The following CTNNA3 variants were observed in gnomAD, a reference collection of about 807,000 sequenced individuals.
CTNNA3 encodes the protein catenin alpha-3.
CTNNA3 carries 76 observed loss-of-function variants against 95.7 expected under a neutral mutation model. The observed-to-expected ratio is 0.79, with a 90% CI of 0.66 to 0.96. The LOEUF is 0.96. CTNNA3 is among the 40% of genes least tolerant of loss of function. The probability of loss-of-function intolerance (pLI) is 0.00; values close to 1 mark genes in which losing one functional copy is unlikely to be tolerated. For missense variants in CTNNA3, 1,191 were observed against 1,089.8 expected (o/e 1.09, Z -1.31); for synonymous variants, 431 against 374.4 (o/e 1.15, Z -1.74).
intron 13 of CTNNA3, among the ~76,000 whole-genome samples, chr10:66,206,021 T>C: frequency 6.6e-6 from 1 of 151,948 alleles, no homozygotes; most frequent in East Asian, 1.9e-4. Flanking sequence ...CATTACCCTC[T>C]AATTTGACCA....
At chr10:67,033,572 A>C (rs1276190500) in intron 7 of CTNNA3, among the ~76,000 whole-genome samples, 2 of 152,338 alleles carry the variant, frequency 1.3e-5, no homozygotes, top group Admixed American at 6.5e-5. Context: ...CATAGTGCCT[A>C]ATATGTGCCG....
At chr10:67,076,551 T>C (rs1045940030) in intron 7 of CTNNA3, among the ~76,000 whole-genome samples, 1 of 152,230 alleles carries the variant, frequency 6.6e-6, no homozygotes, top group East Asian at 1.9e-4. Context: ...TTTGAGCACA[T>C]AGAGAAGCCT....
intron 7 of CTNNA3, among the ~76,000 whole-genome samples, chr10:67,113,289 T>C (rs900329367): frequency 8.5e-5 from 13 of 152,162 alleles, no homozygotes; most frequent in East Asian, 7.7e-4. Flanking sequence ...AGGATGCTAA[T>C]TTTTTTCTTC....
intron 5 of CTNNA3, among the ~76,000 whole-genome samples, chr10:67,468,137 A>G (rs549318230): frequency 6.6e-6 from 1 of 151,926 alleles, no homozygotes; most frequent in Admixed American, 6.6e-5. Context: ...CCAAGTATTC[A>G]GCCTAGTACC....
intron 13 of CTNNA3, among the ~76,000 whole-genome samples, chr10:66,180,304 T>C (rs1433076174): frequency 2.6e-5 from 4 of 152,068 alleles, no homozygotes; most frequent in Non-Finnish European, 5.9e-5. Context: ...ATGGTGACAG[T>C]AGGTTTTAGT....
At chr10:67,095,986 G>A (rs548693493) in intron 7 of CTNNA3, among the ~76,000 whole-genome samples, 39 of 151,552 alleles carry the variant, frequency 2.6e-4, no homozygotes, top group Admixed American at 7.9e-4. Context: ...TCTTTCAGTC[G>A]CCTTGACCAT....
intron 8 of CTNNA3, among the ~76,000 whole-genome samples, chr10:66,770,992 G>T (rs1273933657): frequency 1.3e-5 from 2 of 152,098 alleles, no homozygotes; most frequent in Non-Finnish European, 2.9e-5. Context: ...TAAGTTTAGT[G>T]AAACTTGTCT....
intron 1 of CTNNA3, among the ~76,000 whole-genome samples, chr10:67,655,394 G>C (rs899745600): frequency 6.6e-6 from 1 of 152,174 alleles, no homozygotes; most frequent in African/African-American, 2.4e-5. Flanking sequence ...CCTAATACCT[G>C]TCTCCCAAAA....
chr10:67,326,126 A>G (rs1250954161), intron 5 of CTNNA3, among the ~76,000 whole-genome samples: 1 of 152,088 alleles, frequency 6.6e-6, no homozygotes, highest in African/African-American at 2.4e-5. Flanking sequence ...GTGTCTCTGC[A>G]TGTGAGATGG....
intron 5 of CTNNA3, among the ~76,000 whole-genome samples, chr10:67,451,484 GAAACACTAA>G (rs748941513): frequency 1.6e-4 from 24 of 152,010 alleles, no homozygotes; most frequent in Non-Finnish European, 3.2e-4. Flanking sequence ...GCAGATAACA[GAAACACTAA>G]AATCCCAAAA....
At chr10:66,233,789 TCTAAGAA>T (rs1322341241) in intron 13 of CTNNA3, among the ~76,000 whole-genome samples, 1 of 152,154 alleles carries the variant, frequency 6.6e-6, no homozygotes, top group Non-Finnish European at 1.5e-5. Flanking sequence ...TTGATGATGA[TCTAAGAA>T]CTCTTCTCCC....
chr10:67,687,166 C>A (rs1253007746), intron 1 of CTNNA3, among the ~76,000 whole-genome samples: 1 of 152,180 alleles, frequency 6.6e-6, no homozygotes, highest in Admixed American at 6.5e-5. Flanking sequence ...ATGCCAGTGT[C>A]CAGGAGGAAA....
intron 7 of CTNNA3, among the ~76,000 whole-genome samples, chr10:67,147,838 G>A (rs1860914774): frequency 6.6e-6 from 1 of 152,082 alleles, no homozygotes; most frequent in African/African-American, 2.4e-5. Context: ...TGCTAATATT[G>A]AAGCTGTATA....
intron 15 of CTNNA3, among the ~76,000 whole-genome samples, chr10:65,994,608 A>G (rs2078613841): frequency 6.6e-6 from 1 of 152,134 alleles, no homozygotes; most frequent in African/African-American, 2.4e-5. Context: ...ACTTTCAACA[A>G]TTTGACTATA....
At chr10:67,112,588 G>A (rs1432262400) in intron 7 of CTNNA3, among the ~76,000 whole-genome samples, 3 of 151,346 alleles carry the variant, frequency 2.0e-5, no homozygotes, top group Non-Finnish European at 4.4e-5. Context: ...TTGGTCTTAA[G>A]AGTCAAGGCA....
chr10:66,331,950 C>A (rs2092335750), intron 12 of CTNNA3, among the ~76,000 whole-genome samples: 1 of 151,942 alleles, frequency 6.6e-6, no homozygotes, highest in Non-Finnish European at 1.5e-5. Context: ...AATGTTCTTC[C>A]ATTTGTTTGT....
At chr10:66,845,539 A>G (rs1481141420) in intron 7 of CTNNA3, among the ~76,000 whole-genome samples, 2 of 151,504 alleles carry the variant, frequency 1.3e-5, no homozygotes, top group Admixed American at 6.6e-5. Context: ...CCCCATCTCT[A>G]CTAAAAATAC....
At chr10:67,517,708 T>TA (rs1231088636) in intron 5 of CTNNA3, among the ~76,000 whole-genome samples, 1 of 152,124 alleles carries the variant, frequency 6.6e-6, no homozygotes, top group Non-Finnish European at 1.5e-5. Flanking sequence ...TAACTGCCCA[T>TA]CAAGAGATAT....
chr10:66,508,524 T>G (rs1485995308), intron 11 of CTNNA3, among the ~76,000 whole-genome samples: 1 of 152,126 alleles, frequency 6.6e-6, no homozygotes, highest in African/African-American at 2.4e-5. Context: ...ACAATTTTGG[T>G]ACTTGCCACT....
Sources: allele counts gnomAD v4.1 joint callset (sites outside exome capture counted in the v4.1 genomes callset), GRCh38; gene constraint gnomAD v4.1.1; transcripts MANE v1.5; gene names NCBI Gene and HGNC (gene_info 2026-07-23, HGNC 2026-07-21).